SORCS2: variants seen among roughly 807,000 people sequenced by gnomAD.
SORCS2 encodes sortilin related VPS10 domain containing receptor 2.
Under a neutral mutation model 141.6 loss-of-function variants are expected in SORCS2, and 100 were observed. That is an observed-to-expected ratio of 0.71 (90% confidence interval 0.60 to 0.83). The LOEUF (loss-of-function observed/expected upper bound fraction) is 0.83. Ranked by LOEUF, SORCS2 falls within the 40% of genes least tolerant of loss-of-function variation. The pLI, the probability that SORCS2 is intolerant of heterozygous loss-of-function variation, is 0.00. For synonymous variants in SORCS2, 789 were observed against 676.9 expected (o/e 1.17, Z -2.57); for missense variants, 1,646 against 1,560.2 (o/e 1.05, Z -0.93).
chr4:7,690,481 G>A (rs553068976), intron 11 of SORCS2, among the ~76,000 whole-genome samples: 3 of 151,664 alleles, frequency 2.0e-5, no homozygotes, highest in Admixed American at 2.0e-4. Flanking sequence ...TGGGTGGATG[G>A]ATGATGGATG....
intron 2 of SORCS2, among the ~76,000 whole-genome samples, chr4:7,479,629 C>T (rs756972801): frequency 2.0e-5 from 3 of 152,226 alleles, no homozygotes; most frequent in Non-Finnish European, 2.9e-5. Context: ...GCTGGGCTCC[C>T]CTCGTTCCTT....
intron 1 of SORCS2, among the ~76,000 whole-genome samples, chr4:7,202,929 G>T (rs1202277700): frequency 6.6e-6 from 1 of 151,720 alleles, no homozygotes; most frequent in Admixed American, 6.6e-5. Flanking sequence ...CTATCTACGT[G>T]CCGGATGCTG....
At chr4:7,578,192 G>A (rs1005427404) in intron 3 of SORCS2, among the ~76,000 whole-genome samples, 3 of 152,178 alleles carry the variant, frequency 2.0e-5, no homozygotes, top group Non-Finnish European at 4.4e-5. Flanking sequence ...GTCTCTTTGC[G>A]AACGATCATT....
chr4:7,461,708 C>T (rs1729323564), intron 2 of SORCS2, among the ~76,000 whole-genome samples: 1 of 152,206 alleles, frequency 6.6e-6, no homozygotes, highest in Non-Finnish European at 1.5e-5. Context: ...TGCAGCCATC[C>T]TCAGGATATA....
intron 2 of SORCS2, among the ~76,000 whole-genome samples, chr4:7,409,893 T>C (rs1725193356): frequency 2.0e-5 from 3 of 152,242 alleles, no homozygotes; most frequent in Non-Finnish European, 4.4e-5. Flanking sequence ...TATGCTACCA[T>C]TTTGGAACCG....
intron 1 of SORCS2, among the ~76,000 whole-genome samples, chr4:7,301,629 G>T (rs1384942826): frequency 3.9e-5 from 6 of 152,224 alleles, no homozygotes; most frequent in South Asian, 2.1e-4. Flanking sequence ...GCTGGAAGCC[G>T]GGCGGCCCAA....
At chr4:7,669,062 G>A (rs1722656579) in intron 8 of SORCS2, among the ~76,000 whole-genome samples, 1 of 152,230 alleles carries the variant, frequency 6.6e-6, no homozygotes, top group Admixed American at 6.5e-5. Flanking sequence ...CAGATGCAAT[G>A]TCAGTGAGAT....
At chr4:7,545,822 C>G (rs540065166) in intron 3 of SORCS2, among the ~76,000 whole-genome samples, 2 of 152,316 alleles carry the variant, frequency 1.3e-5, no homozygotes, top group East Asian at 3.9e-4. Flanking sequence ...TCCGTCAGCT[C>G]GGATGGCTCT....
chr4:7,688,275 G>A (rs374408419), intron 10 of SORCS2, among the ~76,000 whole-genome samples: 48 of 152,292 alleles, frequency 3.2e-4, no homozygotes, highest in East Asian at 9.6e-4. Context: ...AGGCCTCACC[G>A]TCACTGTCTT....
chr4:7,436,649 C>T (rs899531766), intron 2 of SORCS2, among the ~76,000 whole-genome samples: 1 of 152,328 alleles, frequency 6.6e-6, no homozygotes, highest in Non-Finnish European at 1.5e-5. Flanking sequence ...GCTGTAGAGC[C>T]GACATTGTCG....
At chr4:7,384,120 C>G (rs1003233638) in intron 1 of SORCS2, among the ~76,000 whole-genome samples, 3 of 152,184 alleles carry the variant, frequency 2.0e-5, no homozygotes. Context: ...CTCCCACAGT[C>G]CCTGCAGAGG....
chr4:7,699,922 T>G (rs7688683), intron 12 of SORCS2, among the ~76,000 whole-genome samples: 51,700 of 152,048 alleles, frequency 0.34, 10,055 homozygotes, highest in East Asian at 0.62. Context: ...CTGCCCCTCT[T>G]GTCCGTCTCT....
At chr4:7,682,678 G>A (rs532987720) in intron 9 of SORCS2, 65 bp from the exon 10 acceptor site, 1 of 1,501,646 alleles carries the variant, frequency 6.7e-7, no homozygotes, top group Non-Finnish European at 9.0e-7. Context: ...CTGGAGCATG[G>A]TGGATACTTG....
rs1458224332 is a variant in SORCS2, at chr4:7,286,048, C to T, written c.480+92922C>T. Among the ~76,000 whole-genome samples, 1 of 152,198 alleles carries T rather than the reference C, an allele frequency of 6.6e-6. No homozygotes were observed. The highest frequency in any genetic ancestry group is 1.5e-5 in the Non-Finnish European group (1 of 68,036). The stretch of plus-strand genomic sequence containing the variant: ...GAGCCAGCTGCCCCGCCGGGGGCTC[C>T]CTGCCTGCCTCCCATCCATCTTCCC... On this transcript the variant is annotated intron_variant, in intron 1 of 26. Transcript: ENST00000507866. The surrounding 1 kb of genome is among the most constrained non-coding windows in gnomAD (Gnocchi z 4.1).
intron 1 of SORCS2, among the ~76,000 whole-genome samples, chr4:7,347,705 T>G (rs1720721309): frequency 6.6e-6 from 1 of 152,228 alleles, no homozygotes; most frequent in Non-Finnish European, 1.5e-5. Context: ...CCTCTGATAT[T>G]AAACCACCAT....
At chr4:7,654,070 C>T (rs772520841) in intron 4 of SORCS2, 64 bp from the exon 5 acceptor site, 12 of 1,415,188 alleles carry the variant, frequency 8.5e-6, no homozygotes, top group Non-Finnish European at 1.2e-5. Context: ...ACATCACCCT[C>T]TCTCAGAAGC....
At chr4:7,504,584 A>G (rs4362822) in intron 2 of SORCS2, among the ~76,000 whole-genome samples, 40,974 of 152,196 alleles carry the variant, frequency 0.27, 6,348 homozygotes, top group South Asian at 0.44. Flanking sequence ...ACCCACATCC[A>G]TCTGGCTCTG....
intron 1 of SORCS2, among the ~76,000 whole-genome samples, chr4:7,370,618 T>C (rs1000936251): frequency 2.0e-5 from 3 of 152,338 alleles, no homozygotes; most frequent in Middle Eastern, 3.4e-3. Flanking sequence ...ACGTTGCCCA[T>C]CATCCTTGTG....
chr4:7,596,354 G>A (rs1012483916), intron 3 of SORCS2, among the ~76,000 whole-genome samples: 2 of 152,132 alleles, frequency 1.3e-5, no homozygotes, highest in South Asian at 2.1e-4. Context: ...TTGAAGTGCC[G>A]ACAGTGTGCT....
Sources: allele counts gnomAD v4.1 joint callset (sites outside exome capture counted in the v4.1 genomes callset), GRCh38; gene constraint gnomAD v4.1.1; non-coding constraint Gnocchi (gnomAD v3.1); transcripts MANE v1.5; gene names NCBI Gene and HGNC (gene_info 2026-07-23, HGNC 2026-07-21).